The following AGBL4 variants were observed in gnomAD, a reference collection of about 807,000 sequenced individuals.
AGBL4 encodes cytosolic carboxypeptidase 6.
Under a neutral mutation model 66.4 loss-of-function variants are expected in AGBL4, and 58 were observed. The observed-to-expected ratio is 0.87, with a 90% CI of 0.71 to 1.09. The LOEUF (loss-of-function observed/expected upper bound fraction) is 1.09. AGBL4 is among the 50% of genes least tolerant of loss of function. The pLI is 0.00. For synonymous variants in AGBL4, 234 were observed against 222.9 expected, an observed-to-expected ratio of 1.05 and a Z score of -0.44; for missense variants, 579 against 631.0, an observed-to-expected ratio of 0.92 and a Z score of 0.88.
intron 5 of AGBL4, among the ~76,000 whole-genome samples, chr1:48,919,367 T>C (rs1339209747): frequency 6.6e-5 from 10 of 152,242 alleles, no homozygotes; most frequent in Non-Finnish European, 1.0e-4. Flanking sequence ...TGGTGAAGCT[T>C]TGACCAAACT....
chr1:49,306,540 C>T (rs1644851680), intron 3 of AGBL4, among the ~76,000 whole-genome samples: 1 of 152,162 alleles, frequency 6.6e-6, no homozygotes, highest in Non-Finnish European at 1.5e-5. Flanking sequence ...TCATAGGTCC[C>T]ATTCAACTAT....
intron 2 of AGBL4, among the ~76,000 whole-genome samples, chr1:49,736,987 A>C (rs1023622945): frequency 6.6e-6 from 1 of 152,054 alleles, no homozygotes; most frequent in African/African-American, 2.4e-5. Context: ...CAGTCAGACA[A>C]TTTGACATTT....
At chr1:49,061,699 C>G (rs1381547558) in intron 4 of AGBL4, among the ~76,000 whole-genome samples, 4 of 152,090 alleles carry the variant, frequency 2.6e-5, no homozygotes. Flanking sequence ...AAGGGCAAAG[C>G]AAAAGCCCAC....
At chr1:49,520,179 C>T (rs1472362470) in intron 3 of AGBL4, among the ~76,000 whole-genome samples, 1 of 151,948 alleles carries the variant, frequency 6.6e-6, no homozygotes, top group Non-Finnish European at 1.5e-5. Flanking sequence ...GCTCATTGCT[C>T]CTGCCTGTTA....
intron 5 of AGBL4, among the ~76,000 whole-genome samples, chr1:48,923,427 G>T (rs1398083699): frequency 6.6e-6 from 1 of 152,220 alleles, no homozygotes; most frequent in Non-Finnish European, 1.5e-5. Flanking sequence ...AAACCCAGAA[G>T]TCAAAAGGAA....
chr1:49,910,813 T>A (rs1327310159), intron 1 of AGBL4, among the ~76,000 whole-genome samples: 1 of 152,016 alleles, frequency 6.6e-6, no homozygotes, highest in Admixed American at 6.6e-5. Flanking sequence ...CCGTCTTTAC[T>A]AAAATACAAA....
intron 4 of AGBL4, among the ~76,000 whole-genome samples, chr1:49,070,712 G>T (rs1410459287): frequency 6.6e-6 from 1 of 151,840 alleles, no homozygotes; most frequent in African/African-American, 2.4e-5. Context: ...TTGTGTCTCT[G>T]CCCGGTTTTG....
At chr1:49,916,483 A>C (rs985548419) in intron 1 of AGBL4, among the ~76,000 whole-genome samples, 3 of 152,250 alleles carry the variant, frequency 2.0e-5, no homozygotes, top group African/African-American at 2.4e-5. Flanking sequence ...AAAGGGTATC[A>C]GTGATTGAAG....
At chr1:49,170,173 ATTATAAATTTATATTCATATAAATATG>A (rs1488652712) in intron 4 of AGBL4, among the ~76,000 whole-genome samples, 10 of 144,198 alleles carry the variant, frequency 6.9e-5, no homozygotes, top group South Asian at 2.1e-4. Context: ...ATATAAATAT[ATTATAAATTTATATTCATATAAATATG>A]TTATAAATTT....
chr1:49,294,771 T>C (rs1644607295), intron 3 of AGBL4, among the ~76,000 whole-genome samples: 1 of 152,174 alleles, frequency 6.6e-6, no homozygotes, highest in South Asian at 2.1e-4. Context: ...GAGACTCAGC[T>C]GAGGTGTCAT....
At chr1:49,609,427 T>TCA (rs1168641223) in intron 3 of AGBL4, among the ~76,000 whole-genome samples, 2 of 152,128 alleles carry the variant, frequency 1.3e-5, no homozygotes, top group Non-Finnish European at 2.9e-5. Flanking sequence ...AGATGGCTTA[T>TCA]CAGTCTCTTA....
chr1:49,511,443 T>C (rs1184828780), intron 3 of AGBL4, among the ~76,000 whole-genome samples: 3 of 105,242 alleles, frequency 2.9e-5, no homozygotes, highest in Non-Finnish European at 5.4e-5. Flanking sequence ...CATCACACTC[T>C]GGGGACTGTT....
intron 4 of AGBL4, among the ~76,000 whole-genome samples, chr1:49,130,495 G>T (rs1273268440): frequency 6.6e-6 from 1 of 152,160 alleles, no homozygotes; most frequent in Non-Finnish European, 1.5e-5. Flanking sequence ...TTTGTATAAG[G>T]TGTAAGGAGG....
chr1:48,582,483 G>C (rs1471377529), intron 11 of AGBL4, among the ~76,000 whole-genome samples: 1 of 152,172 alleles, frequency 6.6e-6, no homozygotes, highest in Admixed American at 6.5e-5. Flanking sequence ...AGACTTGCTG[G>C]AGGCAACCCG....
At chr1:49,111,108 G>A (rs1160297086) in intron 4 of AGBL4, among the ~76,000 whole-genome samples, 2 of 128,246 alleles carry the variant, frequency 1.6e-5, no homozygotes, top group African/African-American at 3.1e-5. Context: ...CTTTCAATTC[G>A]TTGAATTTTT....
At chr1:48,732,461 G>A (rs1390732473) in intron 6 of AGBL4, among the ~76,000 whole-genome samples, 7 of 151,834 alleles carry the variant, frequency 4.6e-5, no homozygotes, top group Non-Finnish European at 1.0e-4. Flanking sequence ...AGTGGGAGAA[G>A]AAAGAAAATT....
intron 5 of AGBL4, among the ~76,000 whole-genome samples, chr1:48,994,485 G>T (rs1008461229): frequency 6.6e-6 from 1 of 152,108 alleles, no homozygotes; most frequent in South Asian, 2.1e-4. Flanking sequence ...GTTTGGAGGT[G>T]TTATCCCCAT....
intron 4 of AGBL4, among the ~76,000 whole-genome samples, chr1:49,046,461 G>A (rs1644083144): frequency 6.6e-6 from 1 of 152,128 alleles, no homozygotes; most frequent in South Asian, 2.1e-4. Flanking sequence ...AGCACTTTGG[G>A]AAATAGTGCT....
intron 3 of AGBL4, among the ~76,000 whole-genome samples, chr1:49,468,919 G>T (rs1646684428): frequency 6.6e-6 from 1 of 151,758 alleles, no homozygotes; most frequent in South Asian, 2.1e-4. Context: ...AATTTCTCAA[G>T]ATCTCAGCTC....
Sources: gnomAD v4.1 joint callset for allele counts (sites outside exome capture counted in the v4.1 genomes callset) on GRCh38, gnomAD v4.1.1 for gene constraint, MANE v1.5 for transcripts, NCBI Gene and HGNC (gene_info 2026-07-23, HGNC 2026-07-21) for gene names.